The following CDKAL1 variants were observed in gnomAD, a reference collection of about 807,000 sequenced individuals.
CDKAL1 encodes the protein threonylcarbamoyladenosine tRNA methylthiotransferase.
A neutral mutation model predicts 68.2 loss-of-function variants in CDKAL1; 32 were observed. That is an observed-to-expected ratio of 0.47 (90% CI 0.35 to 0.63). The LOEUF is 0.63. CDKAL1 is among the 30% of genes least tolerant of loss of function. CDKAL1 has a pLI of 0.00. For missense variants in CDKAL1, 606 were observed against 696.7 expected (o/e 0.87, Z 1.47); for synonymous variants, 234 against 244.3 (o/e 0.96, Z 0.39).
intron 13 of CDKAL1, chr6:21,135,754 G>T (rs1775560610): frequency 1.0e-6 from 1 of 958,882 alleles, no homozygotes; most frequent in Non-Finnish European, 1.2e-6. Context: ...ATTCGCTCAG[G>T]AAGGCAGTGC....
chr6:20,976,039 CCTT>C (rs371476650), intron 10 of CDKAL1, among the ~76,000 whole-genome samples: 6 of 152,288 alleles, frequency 3.9e-5, no homozygotes, highest in Non-Finnish European at 8.8e-5. Context: ...TTTACCCCTC[CCTT>C]CTTCTAGCCC....
Position 20,739,631 on chromosome 6 carries a change from A to G in CDKAL1, c.468+16A>G. On this transcript the variant is annotated intron_variant, in intron 6 of 15. Transcript: ENST00000274695. Reference sequence around the variant, plus strand: ...TATCATTGGGGTAAGCTTGTACCTGATGCAAAAAGAGAAAATCTTACATTG... The same window carrying G: ...TATCATTGGGGTAAGCTTGTACCTGGTGCAAAAAGAGAAAATCTTACATTG... 6.9e-7 allele frequency: 1 copy of G among 1,448,066 alleles called. No homozygotes were observed. 89.7% of individuals were successfully genotyped at this position (1,448,066 alleles called of 1,614,324 possible).
chr6:20,892,295 A>G (rs942423821), intron 9 of CDKAL1, among the ~76,000 whole-genome samples: 1 of 152,242 alleles, frequency 6.6e-6, no homozygotes. Context: ...AAAGAGACTT[A>G]AAAGAGAATT....
chr6:20,696,474 A>C (rs191131389), intron 5 of CDKAL1, among the ~76,000 whole-genome samples: 125 of 152,352 alleles, frequency 8.2e-4, no homozygotes, highest in Middle Eastern at 3.4e-3. Context: ...ACAGTTAGCA[A>C]AGACAATTTC....
chr6:21,152,235 G>A (rs1235507001), intron 13 of CDKAL1, among the ~76,000 whole-genome samples: 1 of 152,086 alleles, frequency 6.6e-6, no homozygotes, highest in African/African-American at 2.4e-5. Context: ...CCTTCAGCCT[G>A]TCCTGGAATC....
At position 20,781,258 on chromosome 6, in the gene CDKAL1, A is replaced by T. The variant is rs764777781; in HGVS notation, c.631A>T (p.Asn211Tyr). Residue 211 changes from asparagine (N) to tyrosine (Y), a missense_variant, in exon 8 of 16, where the codon AAT (asparagine) becomes TAT (tyrosine). Transcript: ENST00000274695. ...KNPLIEIISI[N>Y]TGCLNACTYC... ...TCCACTGATAGAAATCATTTCCATC[A>T]ATACCGGGTAAGCATCTCTCAAACT... 2 of 1,611,914 alleles carry T rather than the reference A, an allele frequency of 1.2e-6. No homozygotes were observed. The highest frequency in any genetic ancestry group is 2.2e-5 in the South Asian group (2 of 90,584).
intron 5 of CDKAL1, among the ~76,000 whole-genome samples, chr6:20,715,599 A>G (rs555740129): frequency 6.6e-6 from 1 of 152,118 alleles, no homozygotes; most frequent in Admixed American, 6.5e-5. Context: ...GTCATATGGT[A>G]GTTCTATTTT....
At chr6:20,802,312 C>CAATAATAATAATAATAATAATAAT (rs1349564349) in intron 8 of CDKAL1, among the ~76,000 whole-genome samples, 1 of 99,712 alleles carries the variant, frequency 1.0e-5, no homozygotes, top group Non-Finnish European at 2.2e-5. Context: ...ACAACAACAA[C>CAATAATAATAATAATAATAATAAT]AACAATAATA....
chr6:20,918,923 T>C (rs902057611), intron 9 of CDKAL1, among the ~76,000 whole-genome samples: 2 of 152,192 alleles, frequency 1.3e-5, no homozygotes, highest in East Asian at 3.8e-4. Context: ...CCAACAGCAA[T>C]ATTGTGCTTA....
At chr6:20,801,622 A>G (rs564396761) in intron 8 of CDKAL1, among the ~76,000 whole-genome samples, 33 of 152,338 alleles carry the variant, frequency 2.2e-4, no homozygotes, top group African/African-American at 7.7e-4. Context: ...GAAACCATGG[A>G]ATATATACAT....
rs1375471308 is a variant in CDKAL1 at position 21,069,770 on chromosome 6, CTTTCTTTTTTT to C, written c.1236+4546_1236+4556del. 4.9e-3 allele frequency among the ~76,000 whole-genome samples: 209 copies of C among 42,262 alleles called. 1 individual carries two copies. The highest frequency in any genetic ancestry group is 0.011 in the African/African-American group (199 of 17,434). 27.7% of individuals were successfully genotyped at this position (42,262 alleles called of 152,430 possible). A position where few individuals can be genotyped will look rare whatever the true frequency, so the allele number is the denominator to read the frequency against. On this transcript the variant is annotated intron_variant, in intron 12 of 15. Transcript: ENST00000274695. Reference sequence around the variant, plus strand: ...TGCCCAATAAAATCCCCCAGATTTTCTTTCTTTTTTTTTTTTTTTTTTTTTTTTTTTTTTAA... The same window carrying C: ...TGCCCAATAAAATCCCCCAGATTTTCTTTTTTTTTTTTTTTTTTTTTTTAA...
intron 11 of CDKAL1, among the ~76,000 whole-genome samples, chr6:21,024,798 C>T (rs1463127454): frequency 6.6e-6 from 1 of 152,144 alleles, no homozygotes; most frequent in African/African-American, 2.4e-5. Context: ...TCTCTGGGCA[C>T]ATGGGAACTG....
intron 3 of CDKAL1, 116 bp from the exon 4 acceptor site, chr6:20,548,477 G>GC: frequency 1.5e-6 from 1 of 660,530 alleles, no homozygotes; most frequent in Non-Finnish European, 2.7e-6. Context: ...AGGTTGCAGT[G>GC]AGCTGTGGTC....
chr6:20,650,623 T>C (rs1427048343), intron 5 of CDKAL1, among the ~76,000 whole-genome samples: 1 of 152,212 alleles, frequency 6.6e-6, no homozygotes, highest in Non-Finnish European at 1.5e-5. Context: ...CATGAAATCT[T>C]TGCCTGTGCC....
intron 9 of CDKAL1, among the ~76,000 whole-genome samples, chr6:20,867,838 A>T (rs570707168): frequency 6.6e-6 from 1 of 152,190 alleles, no homozygotes; most frequent in Admixed American, 6.5e-5. Flanking sequence ...CAAAAGCTTC[A>T]TAATTACCTG....
intron 4 of CDKAL1, among the ~76,000 whole-genome samples, chr6:20,570,369 T>A (rs1192058587): frequency 2.6e-5 from 4 of 152,152 alleles, no homozygotes; most frequent in Admixed American, 2.0e-4. Context: ...CCCAAAGTGC[T>A]GGGATTACAG....
intron 9 of CDKAL1, among the ~76,000 whole-genome samples, chr6:20,921,569 AAT>A (rs1214791648): frequency 2.0e-5 from 3 of 152,322 alleles, no homozygotes; most frequent in African/African-American, 7.2e-5. Flanking sequence ...TAGGAATTTT[AAT>A]AGTTACCTAT....
chr6:20,989,103 A>C (rs1217129060), intron 10 of CDKAL1, among the ~76,000 whole-genome samples: 1 of 152,174 alleles, frequency 6.6e-6, no homozygotes, highest in Non-Finnish European at 1.5e-5. Flanking sequence ...CAGAATACTT[A>C]CTGGCAAACA....
At chr6:20,793,179 C>A (rs1037599759) in intron 8 of CDKAL1, among the ~76,000 whole-genome samples, 1 of 150,886 alleles carries the variant, frequency 6.6e-6, no homozygotes, top group Non-Finnish European at 1.5e-5. Context: ...AAAATTAACG[C>A]CCCTAATTTC....
Sources: gnomAD v4.1 joint callset for allele counts (sites outside exome capture counted in the v4.1 genomes callset) on GRCh38, gnomAD v4.1.1 for gene constraint, MANE v1.5 for transcripts, NCBI Gene and HGNC (gene_info 2026-07-23, HGNC 2026-07-21) for gene names.